LRR1: variants seen among roughly 807,000 people sequenced by gnomAD.
LRR1 encodes the protein leucine rich repeat protein 1.
LRR1 carries 29 observed loss-of-function variants against 31.6 expected under a neutral mutation model. The observed-to-expected ratio is 0.92, with a 90% CI of 0.68 to 1.25. The LOEUF is 1.25. Ranked by LOEUF, LRR1 falls within the 50% of genes most tolerant of loss-of-function variation. The probability of loss-of-function intolerance (pLI) is 0.00; values close to 1 mark genes in which losing one functional copy is unlikely to be tolerated. For missense variants in LRR1, 485 were observed against 487.2 expected, an observed-to-expected ratio of 1.00 and a Z score of 0.04; for synonymous variants, 179 against 181.4, an observed-to-expected ratio of 0.99 and a Z score of 0.10.
chr14:49,614,395 A>G lies in LRR1; in HGVS notation c.1144A>G (p.Thr382Ala). 6.2e-7 allele frequency: 1 copy of G among 1,613,992 alleles called. No individual in the cohort carries two copies. The highest frequency in any genetic ancestry group is 8.5e-7 in the Non-Finnish European group (1 of 1,179,962). ...CATGAATCTGCATTCTGTTGCCCAC[A>G]CTGTGGTCTTAGTAGATAATTTGGG... Reference protein sequence around the residue: ...TTMNLHSVAHTVVLVDNLGGT... With the variant: ...TTMNLHSVAHAVVLVDNLGGT... Residue 382 changes from threonine (T) to alanine (A), a missense_variant, in exon 4 of 4, where the codon ACT (threonine) becomes GCT (alanine). This residue lies in a region of LRR1 where 210 missense variants were observed against 200.4 expected (regional missense o/e 1.05). Coordinates refer to ENST00000298288, the MANE Select transcript of LRR1 (RefSeq NM_152329.4).
In LRR1 at chr14:49,607,407, C is replaced by T; in HGVS notation, c.290C>T (p.Ser97Phe). Residue 97 changes from serine (S) to phenylalanine (F), a missense_variant, in exon 3 of 4, where the codon TCC becomes TTC. By Grantham distance (155) the Ser-to-Phe change is radical (BLOSUM62 -2). Around this residue, in one of 3 missense-constraint regions of LRR1, gnomAD observed 260 missense variants for 249.6 expected, o/e 1.04. Transcript: ENST00000298288. ...PVDICLSKAI[S>F]SSLKGFLSAM... ...CAACTTTTATTTATTCAGGCCATTT[C>T]CAGCAGTTTAAAAGGTTTCCTTTCA... 7.7e-6 allele frequency: 12 copies of T among 1,560,272 alleles called. No individual in the cohort carries two copies. The highest frequency in any genetic ancestry group is 1.0e-5 in the Non-Finnish European group (12 of 1,157,154).
chr14:49,604,022 G>A (rs866514892), intron 2 of LRR1, among the ~76,000 whole-genome samples: 3 of 151,736 alleles, frequency 2.0e-5, no homozygotes, highest in Non-Finnish European at 4.4e-5. Context: ...ATAAACTGAG[G>A]CTGGGTGCCA....
At chr14:49,605,457 ACCTT>A (rs1301512179) in intron 2 of LRR1, among the ~76,000 whole-genome samples, 5 of 152,100 alleles carry the variant, frequency 3.3e-5, no homozygotes, top group Non-Finnish European at 7.4e-5. Context: ...TTATCTTTTG[ACCTT>A]TACTGGTTTA....
intron 3 of LRR1, chr14:49,612,736 C>A: frequency 1.4e-6 from 1 of 704,726 alleles, no homozygotes; most frequent in Non-Finnish European, 1.8e-6. Flanking sequence ...TGAAAAATAT[C>A]TGAGCACCTA....
chr14:49,610,305 CGCAAGCGGCTGGAGTGCAG>C (rs1882465101), intron 3 of LRR1, among the ~76,000 whole-genome samples: 1 of 15,550 alleles, frequency 6.4e-5, no homozygotes, highest in Non-Finnish European at 2.2e-4. Flanking sequence ...GAGTGCAGTG[CGCAAGCGGCTGGAGTGCAG>C]TGCGCAAGCT....
intron 3 of LRR1, among the ~76,000 whole-genome samples, chr14:49,612,082 A>G (rs1229020094): frequency 1.3e-5 from 2 of 152,242 alleles, no homozygotes; most frequent in Non-Finnish European, 2.9e-5. Context: ...AACATGAAAA[A>G]GTACAAAGTT....
chr14:49,611,147 C>T (rs892825192), intron 3 of LRR1, among the ~76,000 whole-genome samples: 4 of 152,140 alleles, frequency 2.6e-5, no homozygotes, highest in African/African-American at 9.7e-5. Context: ...GGTTCTCAGA[C>T]GTTACTTCAA....
At position 49,607,565 on chromosome 14, in the gene LRR1, A is replaced by G; in HGVS notation, c.448A>G (p.Lys150Glu). 6.2e-7 allele frequency: 1 copy of G among 1,614,196 alleles called. No individual in the cohort carries two copies. Among genetic ancestry groups the G allele is most frequent in the Non-Finnish European group, 8.5e-7 (1 of 1,180,032 alleles). The stretch of plus-strand genomic sequence containing the variant: ...ATCCAAAAAAGACTATCCTCTAAGT[A>G]AGAATTTTCCATATTCCTTGGAACA... ...ITSKKDYPLS[K>E]NFPYSLEHLQ... Residue 150 changes from lysine (K) to glutamate (E), a missense_variant, in exon 3 of 4, where the codon AAG becomes GAG. Physicochemically the swap from Lys to Glu is moderately conservative, Grantham distance 56. Around this residue, in one of 3 missense-constraint regions of LRR1, gnomAD observed 260 missense variants for 249.6 expected, o/e 1.04. Coordinates refer to ENST00000298288, the MANE Select transcript of LRR1 (RefSeq NM_152329.4).
intron 2 of LRR1, among the ~76,000 whole-genome samples, chr14:49,606,792 G>A (rs1214608367): frequency 1.3e-5 from 2 of 151,506 alleles, no homozygotes; most frequent in African/African-American, 2.4e-5. Context: ...AAGTAGCTGG[G>A]ATTACAGGCA....
chr14:49,603,581 A>G (rs1594585619), intron 2 of LRR1: 1 of 834,014 alleles, frequency 1.2e-6, no homozygotes. Context: ...CCCAGGTTGG[A>G]GTGCAGTGGG....
intron 2 of LRR1, 82 bp downstream of exon 2, chr14:49,602,550 A>G (rs1882103920): frequency 8.5e-7 from 1 of 1,174,174 alleles, no homozygotes; most frequent in Non-Finnish European, 1.2e-6. Context: ...TCTGTCACCC[A>G]AGCTGAAGTA....
intron 3 of LRR1, among the ~76,000 whole-genome samples, chr14:49,613,593 C>T (rs1279748783): frequency 1.3e-5 from 2 of 150,748 alleles, no homozygotes; most frequent in Admixed American, 6.6e-5. Context: ...GATCACATGA[C>T]GTCAGGAGTT....
At chr14:49,601,154 C>A (rs956408864) in intron 1 of LRR1, 14 of 1,599,316 alleles carry the variant, frequency 8.8e-6, no homozygotes, top group Admixed American at 1.7e-5. Context: ...CAAAAAAGAA[C>A]AAATGTTTTA....
intron 2 of LRR1, among the ~76,000 whole-genome samples, chr14:49,602,907 C>T (rs1162365803): frequency 6.6e-6 from 1 of 152,124 alleles, no homozygotes; most frequent in Admixed American, 6.6e-5. Flanking sequence ...ACGATCTCAG[C>T]TCACTGCAAC....
At chr14:49,603,170 C>T (rs958732893) in intron 2 of LRR1, among the ~76,000 whole-genome samples, 1 of 152,100 alleles carries the variant, frequency 6.6e-6, no homozygotes, top group African/African-American at 2.4e-5. Context: ...TTAAAGAAGG[C>T]TGTTTGCACA....
At chr14:49,610,008 G>A (rs1166059858) in intron 3 of LRR1, among the ~76,000 whole-genome samples, 1 of 151,608 alleles carries the variant, frequency 6.6e-6, no homozygotes, top group Non-Finnish European at 1.5e-5. Flanking sequence ...CAAAGTGCTG[G>A]GATTACAGGC....
At chr14:49,606,634 T>G (rs1882293847) in intron 2 of LRR1, among the ~76,000 whole-genome samples, 1 of 141,782 alleles carries the variant, frequency 7.1e-6, no homozygotes. Flanking sequence ...TCACTACACC[T>G]GGCCTTAAAC....
intron 3 of LRR1, among the ~76,000 whole-genome samples, chr14:49,608,512 T>TC (rs1882383582): frequency 6.8e-6 from 1 of 147,974 alleles, no homozygotes; most frequent in Admixed American, 6.9e-5. Context: ...CTGTCAGTTT[T>TC]CCCCACTAGA....
intron 1 of LRR1, chr14:49,600,957 C>G: frequency 1.3e-6 from 2 of 1,566,330 alleles, no homozygotes; most frequent in Non-Finnish European, 8.7e-7. Flanking sequence ...ATACACATTT[C>G]TGCACAGCCC....
Sources: gnomAD v4.1 joint callset for allele counts (sites outside exome capture counted in the v4.1 genomes callset) on GRCh38, gnomAD v4.1.1 for gene constraint, gnomAD v4.1.1 regional missense constraint, MANE v1.5 for transcripts, NCBI Gene and HGNC (gene_info 2026-07-23, HGNC 2026-07-21) for gene names.